PHF21A: variants seen among roughly 807,000 people sequenced by gnomAD.
PHF21A encodes BHC80a.
In PHF21A, 11 loss-of-function variants were observed where a neutral mutation model predicts 82.5. The ratio of observed to expected loss-of-function variants is 0.13; its 90% CI spans 0.08 to 0.22. The LOEUF is 0.22. Among genes scored for constraint, PHF21A ranks in the 10% least tolerant of loss-of-function variants. PHF21A has a pLI of 1.00. For synonymous variants in PHF21A, 297 were observed against 302.8 expected (o/e 0.98, Z 0.20); for missense variants, 579 against 837.8 (o/e 0.69, Z 3.81).
chr11:45,947,074 A>G (rs1413700779), intron 14 of PHF21A, among the ~76,000 whole-genome samples: 1 of 152,220 alleles, frequency 6.6e-6, no homozygotes, highest in Non-Finnish European at 1.5e-5. Flanking sequence ...GGGGCTGTTT[A>G]AAAGTCTCAG....
chr11:45,982,794 C>A, intron 6 of PHF21A, among the ~76,000 whole-genome samples: 1 of 151,910 alleles, frequency 6.6e-6, no homozygotes, highest in Non-Finnish European at 1.5e-5. Context: ...AATAAAAAAC[C>A]CAAAACAGAT....
intron 6 of PHF21A, among the ~76,000 whole-genome samples, chr11:46,007,642 G>A (rs2095326858): frequency 6.6e-6 from 1 of 151,990 alleles, no homozygotes; most frequent in Admixed American, 6.6e-5. Flanking sequence ...TAGTTTTACT[G>A]TTAATTTTAT....
chr11:45,965,951 C>T lies in PHF21A; in HGVS notation c.703-343G>A, dbSNP rs538725735. On this transcript the variant is annotated intron_variant, in intron 9 of 18. Coordinates refer to ENST00000676320, the MANE Select transcript of PHF21A (RefSeq NM_001352027.3). ...CATAATGTTGCCAATAGCCTTAACTCGCATTTGAAATTTCTTCATATCCAC... is the reference window on the plus strand; with the variant it reads ...CATAATGTTGCCAATAGCCTTAACTTGCATTTGAAATTTCTTCATATCCAC... Among the ~76,000 whole-genome samples, 12 of 152,270 alleles carry T rather than the reference C, an allele frequency of 7.9e-5. No individual in the cohort carries two copies. In the South Asian group the frequency reaches 2.5e-3, roughly 32 times the overall value.
chr11:46,083,931 T>C (rs1361923032), intron 4 of PHF21A, among the ~76,000 whole-genome samples: 1 of 152,182 alleles, frequency 6.6e-6, no homozygotes, highest in Non-Finnish European at 1.5e-5. Context: ...ACCTTTGGTA[T>C]ATGAAAAAAA....
intron 6 of PHF21A, among the ~76,000 whole-genome samples, chr11:46,017,945 G>C (rs1200465194): frequency 1.3e-5 from 2 of 152,112 alleles, no homozygotes; most frequent in African/African-American, 2.4e-5. Context: ...CTAACTAGCT[G>C]TAGGGGTTAA....
chr11:45,932,111 T>TC lies in PHF21A; in HGVS notation c.*1856dup, dbSNP rs1317225857. ...GAGACGTACCCTCAAAACATGTCACTCCTCCTCTGTTCTAAGCACCAAGGG... is the reference window on the plus strand; with the variant it reads ...GAGACGTACCCTCAAAACATGTCACTCCCTCCTCTGTTCTAAGCACCAAGGG... On this transcript the variant is annotated 3_prime_UTR_variant, in exon 19 of 19. Coordinates refer to ENST00000676320, the MANE Select transcript of PHF21A (RefSeq NM_001352027.3). This position sits in a 1 kb window ranked among gnomAD's most constrained non-coding sequence, Gnocchi z 4.3. The TC allele has an allele frequency of 4.7e-5, 7 of 150,164 alleles. No individual in the cohort carries two copies. Among genetic ancestry groups the TC allele is most frequent in the African/African-American group, 1.7e-4 (7 of 40,836 alleles). The allele number at this position is 150,164 out of a possible 1,614,324, so 9.3% of individuals were successfully genotyped here.
intron 6 of PHF21A, chr11:46,026,661 A>G (rs2095753211): frequency 6.6e-6 from 1 of 152,176 alleles, no homozygotes; most frequent in East Asian, 1.9e-4. Context: ...AAAGTCAAGC[A>G]GTGGAATTAA....
chr11:45,933,993 C>G lies in PHF21A; in HGVS notation c.2021G>C (p.Cys674Ser). The G allele has an allele frequency of 6.3e-7, 1 of 1,583,564 alleles. No homozygotes were observed. Among genetic ancestry groups the G allele is most frequent in the Non-Finnish European group, 8.6e-7 (1 of 1,166,188 alleles). The change falls in exon 19 of 19, where the codon TGT (cysteine) becomes TCT (serine). Residue 674 changes from cysteine (C) to serine (S), a missense_variant. Cys to Ser is a moderately radical substitution (Grantham distance 112). This residue lies in a region of PHF21A where 157 missense variants were observed against 149.4 expected (regional missense o/e 1.05). Transcript: ENST00000676320. ...SPSSQSCTAN[C>S]NQGEETK is the part of the protein sequence containing the mutation. ...TTATTTAGTCTCTTCCCCCTGGTTACAGTTCGCTGTGCAGCTCTGGGAGGA... is the reference window on the plus strand; with the variant it reads ...TTATTTAGTCTCTTCCCCCTGGTTAGAGTTCGCTGTGCAGCTCTGGGAGGA...
chr11:46,001,694 G>A (rs1403683989), intron 6 of PHF21A, among the ~76,000 whole-genome samples: 1 of 152,184 alleles, frequency 6.6e-6, no homozygotes, highest in Non-Finnish European at 1.5e-5. Context: ...GTGCATCAGA[G>A]TTAACTGGTA....
chr11:45,996,502 T>C (rs1459759762), intron 6 of PHF21A, among the ~76,000 whole-genome samples: 1 of 152,110 alleles, frequency 6.6e-6, no homozygotes, highest in Non-Finnish European at 1.5e-5. Flanking sequence ...GATTTCCCTT[T>C]TTGAGAGACA....
rs1565330973 is a variant in PHF21A, at chr11:45,971,284, A to G, written c.444T>C (p.Ser148=). 6.2e-7 allele frequency: 1 copy of G among 1,614,124 alleles called. No homozygotes were observed. Among genetic ancestry groups the G allele is most frequent in the Non-Finnish European group, 8.5e-7 (1 of 1,179,982 alleles). Residue 148 remains serine, a synonymous_variant, in exon 8 of 19, where the codon TCT becomes TCC. Coordinates refer to ENST00000676320, the MANE Select transcript of PHF21A (RefSeq NM_001352027.3). Reference sequence around the variant, plus strand: ...CAATGGTAGGTCTCTGGCCCACCACAGAGGCAGGCATGGTCGCAGTTGCTG... The same window carrying G: ...CAATGGTAGGTCTCTGGCCCACCACGGAGGCAGGCATGGTCGCAGTTGCTG... The part of the protein sequence containing the change: ...LKAATATMPA[S]VVGQRPTIAM...
chr11:45,972,069 A>T (rs1253442397), intron 7 of PHF21A, among the ~76,000 whole-genome samples: 1 of 151,560 alleles, frequency 6.6e-6, no homozygotes, highest in Non-Finnish European at 1.5e-5. Flanking sequence ...AAGGGATATT[A>T]TGAGTTACTA....
chr11:45,939,404 G>GA (rs980112524), intron 15 of PHF21A, among the ~76,000 whole-genome samples: 30 of 151,942 alleles, frequency 2.0e-4, no homozygotes, highest in Admixed American at 1.0e-3. Flanking sequence ...TGCTCAAGAA[G>GA]AAAAAAATAC....
chr11:46,025,961 C>T (rs2095736716), intron 6 of PHF21A, among the ~76,000 whole-genome samples: 1 of 152,180 alleles, frequency 6.6e-6, no homozygotes, highest in Non-Finnish European at 1.5e-5. Flanking sequence ...AAAATCAACA[C>T]TGATACAATA....
At chr11:46,117,675 G>A (rs1851727814) in intron 1 of PHF21A, among the ~76,000 whole-genome samples, 1 of 152,148 alleles carries the variant, frequency 6.6e-6, no homozygotes, top group Non-Finnish European at 1.5e-5. Flanking sequence ...AAGGCTTAAA[G>A]CCCTAAATCA....
At chr11:45,977,928 T>G (rs997234098) in intron 7 of PHF21A, among the ~76,000 whole-genome samples, 2 of 152,076 alleles carry the variant, frequency 1.3e-5, no homozygotes, top group African/African-American at 2.4e-5. Flanking sequence ...GGTTCAAATC[T>G]TAGCTACACC....
At position 45,977,039 on chromosome 11, in the gene PHF21A, T is replaced by C. The variant is rs1398012864; in HGVS notation, c.360+2721A>G. Among the ~76,000 whole-genome samples the C allele has an allele frequency of 2.0e-5, 3 of 152,264 alleles. No homozygotes were observed. In the South Asian group the frequency reaches 6.2e-4, roughly 32 times the overall value. On this transcript the variant is annotated intron_variant, in intron 7 of 18. Transcript: ENST00000676320. ...GGAGAGGTGCTATACAACACTGTTT[T>C]GGAGGCAGCCCTGGGCCTCTTACCA... is the stretch of plus-strand genomic sequence containing the variant.
intron 16 of PHF21A, 75 bp downstream of exon 16, chr11:45,938,082 C>G (rs778970235): frequency 1.9e-5 from 25 of 1,305,016 alleles, no homozygotes; most frequent in Non-Finnish European, 2.5e-5. Context: ...GCCATTTCCC[C>G]GGGAAAGGAA....
intron 6 of PHF21A, among the ~76,000 whole-genome samples, chr11:45,984,131 A>G (rs1356506014): frequency 6.6e-6 from 1 of 152,238 alleles, no homozygotes; most frequent in East Asian, 1.9e-4. Flanking sequence ...TTCACTGATA[A>G]GTTAATGAGA....
Sources: allele counts gnomAD v4.1 joint callset (sites outside exome capture counted in the v4.1 genomes callset), GRCh38; gene constraint gnomAD v4.1.1; regional missense constraint gnomAD v4.1.1; non-coding constraint Gnocchi (gnomAD v3.1); transcripts MANE v1.5; gene names NCBI Gene and HGNC (gene_info 2026-07-23, HGNC 2026-07-21).